Variants in MACF1 observed in about 807,000 individuals in gnomAD.
The protein encoded by MACF1 is microtubule-actin cross-linking factor 1.
Under a neutral mutation model 854.8 loss-of-function variants are expected in MACF1, and 193 were observed. That is an observed-to-expected ratio of 0.23 (90% CI 0.20 to 0.25). MACF1 has a LOEUF of 0.25. Ranked by LOEUF, MACF1 falls within the 10% of genes least tolerant of loss-of-function variation. The pLI is 1.00. For synonymous variants in MACF1, 3,185 were observed against 3,226.7 expected, an observed-to-expected ratio of 0.99 and a Z score of 0.44; for missense variants, 7,722 against 8,929.1, an observed-to-expected ratio of 0.86 and a Z score of 5.45.
In MACF1 at chr1:39,353,033, G is replaced by A. The variant is rs1361680763; in HGVS notation, c.11226G>A (p.Glu3742=). The change falls in exon 44 of 101, where the codon GAG becomes GAA. Residue 3742 remains glutamate, a synonymous_variant. Coordinates refer to ENST00000564288, the MANE Select transcript of MACF1 (RefSeq NM_001394062.1). The part of the protein sequence containing the change: ...EKSKAAKELA[E]NKKKIDALLD... ...GTAAAGCAGCAAAGGAACTGGCAGA[G>A]AACAAGAAGAAGATCGATGCTCTCC... The A allele has an allele frequency of 6.2e-6, 10 of 1,613,914 alleles. No individual in the cohort carries two copies. The highest frequency in any genetic ancestry group is 8.5e-6 in the Non-Finnish European group (10 of 1,179,838).
chr1:39,304,416 C>G, intron 23 of MACF1: 2 of 1,214,782 alleles, frequency 1.6e-6, no homozygotes, highest in Non-Finnish European at 2.4e-6. Flanking sequence ...TTCCTGCTAA[C>G]TGGTTGACCC....
intron 58 of MACF1, among the ~76,000 whole-genome samples, chr1:39,397,219 A>G (rs2148586702): frequency 6.6e-6 from 1 of 152,266 alleles, no homozygotes; most frequent in Admixed American, 6.5e-5. Context: ...TTATGTCTGG[A>G]AAAACCCATC....
intron 2 of MACF1, among the ~76,000 whole-genome samples, chr1:39,188,990 G>A (rs2992674): frequency 0.13 from 19,167 of 151,944 alleles, 2,383 homozygotes; most frequent in African/African-American, 0.32. Context: ...CACCTGCTTC[G>A]GCCTCCCAAA....
In MACF1 at chr1:39,204,909, C is replaced by T. The variant is rs188584055; in HGVS notation, c.-114C>T. 34 of 636,542 alleles carry T rather than the reference C, an allele frequency of 5.3e-5. No homozygotes were observed. The Admixed American group carries it at 6.0e-4, about 11-fold the overall frequency. The allele number at this position is 636,542 out of a possible 1,614,324, so 39.4% of individuals were successfully genotyped here. On this transcript the variant is annotated 5_prime_UTR_variant, in exon 1 of 101. Transcript: ENST00000564288. ...GGAAGTTTCTGACAACACTAAGCTCCGGCCTCTGCCTCTGCTGATAGTACA... is the reference window on the plus strand; with the variant it reads ...GGAAGTTTCTGACAACACTAAGCTCTGGCCTCTGCCTCTGCTGATAGTACA...
chr1:39,097,845 A>G (rs567757477), intron 2 of MACF1, among the ~76,000 whole-genome samples: 1 of 152,160 alleles, frequency 6.6e-6, no homozygotes, highest in Non-Finnish European at 1.5e-5. Context: ...AGCATTGGCC[A>G]CCACTCTCAA....
intron 2 of MACF1, among the ~76,000 whole-genome samples, chr1:39,086,899 G>T (rs180834720): frequency 6.6e-6 from 1 of 152,338 alleles, no homozygotes; most frequent in African/African-American, 2.4e-5. Flanking sequence ...GGCTGGGCCA[G>T]TGAGGCTGAA....
At chr1:39,326,470 C>T (rs1267681669) in intron 35 of MACF1, among the ~76,000 whole-genome samples, 14 of 152,142 alleles carry the variant, frequency 9.2e-5, no homozygotes, top group Admixed American at 7.2e-4. Context: ...CACCTGAGGT[C>T]AGGAGTTCGA....
At chr1:39,264,671 T>C (rs897706722) in intron 6 of MACF1, among the ~76,000 whole-genome samples, 3 of 145,330 alleles carry the variant, frequency 2.1e-5, no homozygotes, top group South Asian at 2.3e-4. Flanking sequence ...TCTTTTTTTT[T>C]TTTTTTTTTT....
intron 2 of MACF1, among the ~76,000 whole-genome samples, chr1:39,237,102 G>A (rs1571208637): frequency 6.6e-6 from 1 of 152,146 alleles, no homozygotes; most frequent in East Asian, 1.9e-4. Context: ...TTTGTAGCTT[G>A]CGCTATAGCC....
intron 58 of MACF1, among the ~76,000 whole-genome samples, chr1:39,407,183 T>G (rs1642748010): frequency 6.6e-6 from 1 of 152,242 alleles, no homozygotes; most frequent in African/African-American, 2.4e-5. Flanking sequence ...GGACACTCTA[T>G]TCTTTGAATA....
At chr1:39,254,239 G>T in intron 4 of MACF1, 59 bp from the exon 5 acceptor site, 8 of 1,361,048 alleles carry the variant, frequency 5.9e-6, no homozygotes, top group Non-Finnish European at 8.4e-6. Context: ...AAAGAGAAAG[G>T]GTCTGTATGG....
In MACF1 at chr1:39,412,084, G is replaced by T. The variant is rs1239268149; in HGVS notation, c.15817-10290G>T. The T allele has an allele frequency of 1.9e-6, 3 of 1,613,986 alleles. No homozygotes were observed. The Admixed American group carries it at 5.0e-5, about 27-fold the overall frequency. ...GGACCCAGGAGGACTGCTGAACTCTGATCACAGGGTTTCTCATGAAGAAAA... is the reference window on the plus strand; with the variant it reads ...GGACCCAGGAGGACTGCTGAACTCTTATCACAGGGTTTCTCATGAAGAAAA... On this transcript the variant is annotated intron_variant, in intron 58 of 100. Transcript: ENST00000564288.
rs750262685 is a variant in MACF1 at position 39,190,395 on chromosome 1, G to GTTTTTTTTTTT, written c.221-40782_221-40781insTTTTTTTTTTT. On this transcript the variant is annotated intron_variant, in intron 2 of 93. Transcript: ENST00000361689. ...TGTGTGTGTGTGTGTGTGTGTGTTT[G>GTTTTTTTTTTT]TTTTTGTTTTTTTTTTTTTTTTTTG... Among the ~76,000 whole-genome samples, 43 of 79,040 alleles carry GTTTTTTTTTTT rather than the reference G, an allele frequency of 5.4e-4. 7 individuals carry two copies. The highest frequency in any genetic ancestry group is 1.1e-3 in the East Asian group (3 of 2,618). The allele number at this position is 79,040 out of a possible 152,430, so 51.9% of individuals were successfully genotyped here.
At chr1:39,454,581 T>G (rs1328222736) in intron 88 of MACF1, among the ~76,000 whole-genome samples, 1 of 152,086 alleles carries the variant, frequency 6.6e-6, no homozygotes, top group African/African-American at 2.4e-5. Flanking sequence ...GCGGTCAGAT[T>G]ACCTGACTCA....
intron 6 of MACF1, among the ~76,000 whole-genome samples, chr1:39,272,746 A>G (rs1645349025): frequency 6.6e-6 from 1 of 152,188 alleles, no homozygotes; most frequent in African/African-American, 2.4e-5. Flanking sequence ...AGATAGTAGA[A>G]TATACATGAT....
rs935520698 is a variant in MACF1, at chr1:39,268,932, G to A, written c.528+10904G>A. The A allele has an allele frequency of 3.9e-6, 5 of 1,286,856 alleles. No homozygotes were observed. In the African/African-American group the frequency reaches 6.1e-5, roughly 16 times the overall value. 79.7% of individuals were successfully genotyped at this position (1,286,856 alleles called of 1,614,324 possible). A position where few individuals can be genotyped will look rare whatever the true frequency, so the allele number is the denominator to read the frequency against. ...TCTCCAAAAGGAAGACGGAGTGGGA[G>A]GGGTAGAGCATACCCCCCCAGATAT... On this transcript the variant is annotated intron_variant, in intron 6 of 100. Transcript: ENST00000564288.
At chr1:39,432,052 C>G (rs572995521) in intron 66 of MACF1, among the ~76,000 whole-genome samples, 42 of 152,134 alleles carry the variant, frequency 2.8e-4, no homozygotes, top group African/African-American at 8.4e-4. Context: ...TCTTGGTTTT[C>G]GTTATTACAT....
At chr1:39,411,832 C>T in intron 58 of MACF1, 2 of 1,613,746 alleles carry the variant, frequency 1.2e-6, no homozygotes, top group South Asian at 2.2e-5. Context: ...GCATTTAGGC[C>T]TTTTACATGT....
At chr1:39,222,646 G>C (rs1644666882) in intron 1 of MACF1, among the ~76,000 whole-genome samples, 1 of 152,072 alleles carries the variant, frequency 6.6e-6, no homozygotes, top group Non-Finnish European at 1.5e-5. Context: ...GCTTGTGTCT[G>C]GTGTGTTATT....
Sources: allele counts gnomAD v4.1 joint callset (sites outside exome capture counted in the v4.1 genomes callset), GRCh38; gene constraint gnomAD v4.1.1; transcripts MANE v1.5; gene names NCBI Gene and HGNC (gene_info 2026-07-23, HGNC 2026-07-21).